Variants in CAPRIN2 observed in about 807,000 individuals in gnomAD.
CAPRIN2 encodes the protein caprin-2.
A neutral mutation model predicts 130.4 loss-of-function variants in CAPRIN2; 66 were observed. The ratio of observed to expected loss-of-function variants is 0.51; its 90% confidence interval spans 0.42 to 0.62. CAPRIN2 has a LOEUF of 0.62. Ranked by LOEUF, CAPRIN2 falls within the 20% of genes least tolerant of loss-of-function variation. The pLI, the probability that CAPRIN2 is intolerant of heterozygous loss-of-function variation, is 0.00. For missense variants in CAPRIN2, 1,185 were observed against 1,246.6 expected (o/e 0.95, Z 0.74); for synonymous variants, 471 against 444.1 (o/e 1.06, Z -0.76).
At chr12:30,742,641 C>A in intron 2 of CAPRIN2, among the ~76,000 whole-genome samples, 1 of 150,538 alleles carries the variant, frequency 6.6e-6, no homozygotes, top group Non-Finnish European at 1.5e-5. Flanking sequence ...AGCATGATAC[C>A]ACTTTCTATA....
exon 12 of CAPRIN2, chr12:30,720,873 C>T (rs2059208888): frequency 1.2e-6 from 2 of 1,613,696 alleles, no homozygotes; most frequent in East Asian, 2.2e-5. Flanking sequence ...TCGGTAGTAA[C>T]CAAGCAAGCA....
chr12:30,719,025 A>G, intron 12 of CAPRIN2, 54 bp downstream of exon 14: 1 of 1,553,248 alleles, frequency 6.4e-7, no homozygotes, highest in South Asian at 1.2e-5. Flanking sequence ...AAGAGAAACA[A>G]TGGCTTTTAA....
At chr12:30,752,607 A>G (rs1592365053) in intron 1 of CAPRIN2, among the ~76,000 whole-genome samples, 3 of 150,978 alleles carry the variant, frequency 2.0e-5, no homozygotes, top group South Asian at 2.1e-4. Flanking sequence ...ACCAGACTCT[A>G]AAGAGTCTCT....
At chr12:30,750,035 A>C (rs1054468022) in intron 2 of CAPRIN2, among the ~76,000 whole-genome samples, 1 of 152,228 alleles carries the variant, frequency 6.6e-6, no homozygotes, top group Non-Finnish European at 1.5e-5. Flanking sequence ...TTTACACACA[A>C]AAAAGTTTTA....
At chr12:30,731,714 T>C (rs7138136) in intron 5 of CAPRIN2, among the ~76,000 whole-genome samples, 4,081 of 152,200 alleles carry the variant, frequency 0.027, 164 homozygotes, top group African/African-American at 0.092. Context: ...AAAGTAAATA[T>C]GCAGTCCATC....
At chr12:30,745,196 A>G (rs1215505714) in intron 2 of CAPRIN2, among the ~76,000 whole-genome samples, 1 of 152,228 alleles carries the variant, frequency 6.6e-6, no homozygotes, top group African/African-American at 2.4e-5. Context: ...CTTTAACAAC[A>G]AAAACTTTGG....
rs766398707 is a variant in CAPRIN2 at position 30,709,933 on chromosome 12, G to A, written c.3203C>T (p.Thr1068Met). 1.1e-5 allele frequency: 18 copies of A among 1,609,224 alleles called. No individual in the cohort carries two copies. Among genetic ancestry groups the A allele is most frequent in the East Asian group, 4.5e-5 (2 of 44,684 alleles). ...TTGATAAAGAAGATAGCCTGAAAAC[G>A]TAGAATATTTCCAGCTACTTCCATA... The change falls in exon 17 of 17, where the codon ACG becomes ATG. Residue 1068 changes from threonine (T) to methionine (M), a missense_variant. Thr to Met is a moderately conservative substitution (Grantham distance 81). Coordinates refer to ENST00000298892, the Ensembl canonical transcript of CAPRIN2.
intron 10 of CAPRIN2, among the ~76,000 whole-genome samples, chr12:30,723,861 C>T (rs1391827536): frequency 6.6e-6 from 1 of 152,226 alleles, no homozygotes; most frequent in African/African-American, 2.4e-5. Context: ...GTATATACTG[C>T]TCACTAAAGC....
chr12:30,753,909 A>C (rs1375810535), exon 1 of CAPRIN2: 4 of 701,840 alleles, frequency 5.7e-6, no homozygotes, highest in African/African-American at 1.8e-5. Context: ...CTTTCTTCTC[A>C]TGAGGGCAGA....
At chr12:30,740,275 A>G (rs1847277917) in intron 3 of CAPRIN2, among the ~76,000 whole-genome samples, 1 of 136,950 alleles carries the variant, frequency 7.3e-6, no homozygotes, top group Admixed American at 7.1e-5. Flanking sequence ...TCTCTAAAAC[A>G]TAATAAAAAA....
At chr12:30,739,213 C>T (rs568364491) in intron 3 of CAPRIN2, among the ~76,000 whole-genome samples, 4 of 152,240 alleles carry the variant, frequency 2.6e-5, no homozygotes, top group South Asian at 4.1e-4. Flanking sequence ...TCATGGAATA[C>T]CATGCAGCCA....
chr12:30,720,819 T>C (rs2059194049), exon 12 of CAPRIN2: 3 of 1,587,268 alleles, frequency 1.9e-6, no homozygotes, highest in African/African-American at 1.3e-5. Flanking sequence ...ACCTCAGGAG[T>C]CTCTGAGGTC....
At chr12:30,735,293 G>C in intron 3 of CAPRIN2, 87 bp from the exon 5 acceptor site, 1 of 952,382 alleles carries the variant, frequency 1.0e-6, no homozygotes, top group Non-Finnish European at 1.7e-6. Context: ...AACCCAAATA[G>C]CTGAGATTAG....
At chr12:30,724,576 T>C (rs1407672708) in intron 9 of CAPRIN2, 125 bp from the exon 11 acceptor site, 6 of 640,500 alleles carry the variant, frequency 9.4e-6, no homozygotes, top group African/African-American at 3.6e-5. Flanking sequence ...GCTAAAGCTA[T>C]AGGTATCTAG....
rs1189588733 is a variant in CAPRIN2 at position 30,710,827 on chromosome 12, C to T, written c.2666-357G>A. ...ATTTCTCAGAGGTCATTCTACAAAG[C>T]ACCTAATGTAGAAGGTCTCAAGAAA... On this transcript the variant is annotated intron_variant, in intron 16 of 16. Transcript: ENST00000298892. This position sits in a 1 kb window ranked among gnomAD's most constrained non-coding sequence, Gnocchi z 4.8. Among the ~76,000 whole-genome samples the T allele has an allele frequency of 2.0e-5, 3 of 152,146 alleles. No homozygotes were observed. Among genetic ancestry groups the T allele is most frequent in the Non-Finnish European group, 2.9e-5 (2 of 68,020 alleles).
chr12:30,715,788 C>T (rs576324187), intron 13 of CAPRIN2: 4 of 191,520 alleles, frequency 2.1e-5, no homozygotes, highest in East Asian at 3.3e-4. Context: ...ATATCCCTTA[C>T]GTAAGTCACC....
At chr12:30,736,169 C>T (rs931068439) in intron 3 of CAPRIN2, among the ~76,000 whole-genome samples, 52 of 151,516 alleles carry the variant, frequency 3.4e-4, no homozygotes, top group Admixed American at 3.4e-3. Flanking sequence ...GTTTCCCCTC[C>T]AACAATTTGT....
At chr12:30,751,306 G>T in intron 1 of CAPRIN2, 173 bp from the exon 3 acceptor site, 1 of 592,530 alleles carries the variant, frequency 1.7e-6, no homozygotes, top group South Asian at 2.0e-5. Flanking sequence ...CCAGTCAGGG[G>T]AGAAAAAATA....
rs202081442 is a variant in CAPRIN2 at position 30,719,072 on chromosome 12, T to C, written c.2148+1739A>G. The C allele has an allele frequency of 1.7e-5, 27 of 1,612,766 alleles. No homozygotes were observed. In the East Asian group the frequency reaches 5.8e-4, roughly 35 times the overall value. On this transcript the variant is annotated intron_variant, in intron 12 of 16. Transcript: ENST00000298892. ...AACTGCAATCATCATTCATGTTTCATACTCACTGTCTGCATGGCTTGAAAG... is the reference window on the plus strand; with the variant it reads ...AACTGCAATCATCATTCATGTTTCACACTCACTGTCTGCATGGCTTGAAAG...
Sources: allele counts gnomAD v4.1 joint callset (sites outside exome capture counted in the v4.1 genomes callset), GRCh38; gene constraint gnomAD v4.1.1; non-coding constraint Gnocchi (gnomAD v3.1); transcripts MANE v1.5; gene names NCBI Gene and HGNC (gene_info 2026-07-23, HGNC 2026-07-21).